Variants in ZNF74 observed in about 807,000 individuals in gnomAD.
ZNF74 encodes the protein zinc finger protein 520.
A neutral mutation model predicts 17.7 loss-of-function variants in ZNF74; 12 were observed. The observed-to-expected ratio is 0.68, with a 90% CI of 0.43 to 1.10. The LOEUF is 1.10. Ranked by LOEUF, ZNF74 falls within the 50% of genes least tolerant of loss-of-function variation. The probability of loss-of-function intolerance (pLI) is 0.00; values close to 1 mark genes in which losing one functional copy is unlikely to be tolerated. For missense variants in ZNF74, 811 were observed against 881.0 expected (o/e 0.92, Z 1.01); for synonymous variants, 358 against 362.1 (o/e 0.99, Z 0.13).
In ZNF74 at chr22:20,401,384, C is replaced by G. The variant is rs545641925; in HGVS notation, c.343+12C>G. ...AGGGCCCTGTCCAGGTGAGCAGAGGCACAGGTGGAAGGGTGCCAGCCCCAG... is the reference window on the plus strand; with the variant it reads ...AGGGCCCTGTCCAGGTGAGCAGAGGGACAGGTGGAAGGGTGCCAGCCCCAG... On this transcript the variant is annotated intron_variant, in intron 4 of 4. Coordinates refer to ENST00000400451, the MANE Select transcript of ZNF74 (RefSeq NM_003426.4). The surrounding 1 kb of genome is among the most constrained non-coding windows in gnomAD (Gnocchi z 4.2). The G allele has an allele frequency of 1.2e-5, 19 of 1,575,476 alleles. No homozygotes were observed. The South Asian group carries it at 2.2e-4, about 18-fold the overall frequency.
At chr22:20,398,316 CAAAAAAAAAA>C (rs362022) in intron 2 of ZNF74, among the ~76,000 whole-genome samples, 1 of 128,186 alleles carries the variant, frequency 7.8e-6, no homozygotes. Context: ...GACCATGTCT[CAAAAAAAAAA>C]AAAAAAAAAA....
chr22:20,398,092 G>C (rs2052315524), intron 2 of ZNF74, among the ~76,000 whole-genome samples: 1 of 152,180 alleles, frequency 6.6e-6, no homozygotes, highest in Non-Finnish European at 1.5e-5. Context: ...GCTGAGGTGG[G>C]TGGAACACTT....
At chr22:20,394,759 A>AAC in intron 1 of ZNF74, 97 bp downstream of exon 1, 8 of 1,178,010 alleles carry the variant, frequency 6.8e-6, no homozygotes, top group Non-Finnish European at 8.3e-6. Context: ...AGCATCCAGC[A>AAC]TCTTTTTTTT....
intron 4 of ZNF74, among the ~76,000 whole-genome samples, chr22:20,403,025 C>T (rs998548735): frequency 2.6e-5 from 4 of 152,058 alleles, no homozygotes; most frequent in South Asian, 2.1e-4. Flanking sequence ...GCACTCACGC[C>T]GGAGTCTGGC....
intron 2 of ZNF74, among the ~76,000 whole-genome samples, chr22:20,396,208 T>A (rs765795599): frequency 2.6e-5 from 4 of 151,292 alleles, no homozygotes; most frequent in African/African-American, 7.3e-5. Context: ...AGTCTGCCAC[T>A]CAAAAGAGGT....
intron 2 of ZNF74, among the ~76,000 whole-genome samples, chr22:20,398,584 T>C (rs2052323954): frequency 6.6e-6 from 1 of 152,220 alleles, no homozygotes; most frequent in East Asian, 1.9e-4. Flanking sequence ...GTGAAATTGC[T>C]GAGCCATATA....
intron 1 of ZNF74, 37 bp downstream of exon 1, chr22:20,394,699 TTTGCAC>T: frequency 1.2e-6 from 2 of 1,609,940 alleles, no homozygotes; most frequent in Non-Finnish European, 1.7e-6. Flanking sequence ...TGTCTGTGGA[TTTGCAC>T]TTGAGGATAT....
Position 20,406,101 on chromosome 22 carries a change from C to G in ZNF74, c.1068C>G (p.Gly356=). Residue 356 remains glycine (G), a synonymous_variant, in exon 5 of 5, where the codon GGC becomes GGG. Coordinates refer to ENST00000400451, the MANE Select transcript of ZNF74 (RefSeq NM_003426.4). ...LLSMHLRVHT[G]EKPYRCGECG... is the part of the protein sequence containing the mutation. The stretch of plus-strand genomic sequence containing the variant: ...GCATGCACCTGCGGGTGCACACCGG[C>G]GAGAAGCCCTACCGGTGCGGCGAGT... 6.2e-7 allele frequency: 1 copy of G among 1,612,426 alleles called. No individual in the cohort carries two copies. Among genetic ancestry groups the G allele is most frequent in the South Asian group, 1.1e-5 (1 of 90,982 alleles).
At chr22:20,398,358 A>G (rs361852) in intron 2 of ZNF74, among the ~76,000 whole-genome samples, 97,917 of 149,556 alleles carry the variant, frequency 0.65, 33,110 homozygotes, top group East Asian at 0.94. Flanking sequence ...CGGAGTTACC[A>G]AGCATTGAGA....
rs2052451373 is a variant in ZNF74 at position 20,407,942 on chromosome 22, C to T, written c.*974C>T. 1 of 152,214 alleles carries T rather than the reference C, an allele frequency of 6.6e-6. No individual in the cohort carries two copies. The allele number at this position is 152,214 out of a possible 1,614,324, so 9.4% of individuals were successfully genotyped here. On this transcript the variant is annotated 3_prime_UTR_variant, in exon 5 of 5. Transcript: ENST00000400451. ...GAAATTGGGAGCTACCAGGCAGGTGCCCAGTGCATTCAGGGAAGATGGGCA... is the reference window on the plus strand; with the variant it reads ...GAAATTGGGAGCTACCAGGCAGGTGTCCAGTGCATTCAGGGAAGATGGGCA...
At chr22:20,396,333 G>A (rs1412626312) in intron 2 of ZNF74, among the ~76,000 whole-genome samples, 2 of 152,072 alleles carry the variant, frequency 1.3e-5, no homozygotes, top group Non-Finnish European at 2.9e-5. Context: ...ACAGTCAAAT[G>A]CAATGCATGT....
At chr22:20,403,527 C>T (rs1456586986) in intron 4 of ZNF74, among the ~76,000 whole-genome samples, 1 of 151,946 alleles carries the variant, frequency 6.6e-6, no homozygotes, top group African/African-American at 2.4e-5. Flanking sequence ...CATTTTTCAC[C>T]TGAATTATTC....
intron 2 of ZNF74, among the ~76,000 whole-genome samples, chr22:20,397,283 G>A (rs1184151836): frequency 2.0e-5 from 3 of 152,048 alleles, no homozygotes; most frequent in African/African-American, 4.8e-5. Flanking sequence ...CTCGGCTATC[G>A]TCATCCTTCA....
At position 20,407,110 on chromosome 22, in the gene ZNF74, C is replaced by A; in HGVS notation, c.*142C>A. 1 of 1,335,510 alleles carries A rather than the reference C, an allele frequency of 7.5e-7. No individual in the cohort carries two copies. Among genetic ancestry groups the A allele is most frequent in the Non-Finnish European group, 9.9e-7 (1 of 1,008,936 alleles). The allele number at this position is 1,335,510 out of a possible 1,614,324, so 82.7% of individuals were successfully genotyped here. ...TATCACCCCCATCAGGTCTGCATGCCAGGGTGCCTCCTCTAGTTAAAGTCA... is the reference window on the plus strand; with the variant it reads ...TATCACCCCCATCAGGTCTGCATGCAAGGGTGCCTCCTCTAGTTAAAGTCA... On this transcript the variant is annotated 3_prime_UTR_variant, in exon 5 of 5. Transcript: ENST00000400451.
intron 4 of ZNF74, among the ~76,000 whole-genome samples, chr22:20,403,022 C>T (rs547434174): frequency 1.2e-4 from 19 of 152,092 alleles, no homozygotes; most frequent in Non-Finnish European, 2.1e-4. Flanking sequence ...ACAGCACTCA[C>T]GCCGGAGTCT....
intron 2 of ZNF74, chr22:20,399,507 T>A (rs1028638590): frequency 1.3e-5 from 4 of 300,102 alleles, no homozygotes; most frequent in African/African-American, 9.3e-5. Flanking sequence ...TCTCCACCTT[T>A]TAATTGGAGT....
At position 20,401,957 on chromosome 22, in the gene ZNF74, C is replaced by T. The variant is rs919829883; in HGVS notation, c.343+585C>T. On this transcript the variant is annotated intron_variant, in intron 4 of 4. Transcript: ENST00000400451. The surrounding 1 kb of genome is among the most constrained non-coding windows in gnomAD (Gnocchi z 4.2). The stretch of plus-strand genomic sequence containing the variant: ...TTCCAGGCTGTGGCCAAGATGGCAG[C>T]CCTCCGTAAGGGAAAGGGGACTGGG... Among the ~76,000 whole-genome samples the T allele has an allele frequency of 2.6e-5, 4 of 152,116 alleles. No homozygotes were observed. The highest frequency in any genetic ancestry group is 9.7e-5 in the African/African-American group (4 of 41,412).
intron 1 of ZNF74, 140 bp downstream of exon 1, chr22:20,394,802 G>T: frequency 1.2e-6 from 1 of 802,874 alleles, no homozygotes; most frequent in South Asian, 1.8e-5. Context: ...CTGTCACCCA[G>T]GCGGGAGTGG....
chr22:20,398,787 T>C (rs1363634735), intron 2 of ZNF74, among the ~76,000 whole-genome samples: 1 of 149,118 alleles, frequency 6.7e-6, no homozygotes. Context: ...TTTGATACCT[T>C]TTTTCCTCAT....
Sources: allele counts gnomAD v4.1 joint callset (sites outside exome capture counted in the v4.1 genomes callset), GRCh38; gene constraint gnomAD v4.1.1; non-coding constraint Gnocchi (gnomAD v3.1); transcripts MANE v1.5; gene names NCBI Gene and HGNC (gene_info 2026-07-23, HGNC 2026-07-21).